The following CDH13 variants were observed in gnomAD, a reference collection of about 807,000 sequenced individuals.
CDH13 encodes the protein cadherin 13.
Under a neutral mutation model 63.8 loss-of-function variants are expected in CDH13, and 24 were observed. The ratio of observed to expected loss-of-function variants is 0.38; its 90% confidence interval spans 0.27 to 0.53. The LOEUF is 0.53. Ranked by LOEUF, CDH13 falls within the 20% of genes least tolerant of loss-of-function variation. The pLI is 0.85. For synonymous variants in CDH13, 503 were observed against 355.3 expected (o/e 1.42, Z -4.67); for missense variants, 1,049 against 903.1 (o/e 1.16, Z -2.07).
intron 2 of CDH13, among the ~76,000 whole-genome samples, chr16:82,928,138 C>T (rs1408998449): frequency 6.8e-6 from 1 of 147,256 alleles, no homozygotes; most frequent in Non-Finnish European, 1.5e-5. Context: ...TTTCTCCATT[C>T]AATAATATAA....
At chr16:83,052,506 G>C (rs1657027529) in intron 3 of CDH13, among the ~76,000 whole-genome samples, 1 of 152,128 alleles carries the variant, frequency 6.6e-6, no homozygotes, top group Non-Finnish European at 1.5e-5. Flanking sequence ...CTTGGCTGTT[G>C]TGGTGGCTCA....
chr16:82,703,786 C>T, intron 1 of CDH13, among the ~76,000 whole-genome samples: 1 of 152,108 alleles, frequency 6.6e-6, no homozygotes, highest in South Asian at 2.1e-4. Context: ...TCTTTGCCCC[C>T]TGAACAAGGG....
At chr16:82,995,867 G>A (rs1197174151) in intron 2 of CDH13, among the ~76,000 whole-genome samples, 1 of 152,108 alleles carries the variant, frequency 6.6e-6, no homozygotes, top group African/African-American at 2.4e-5. Context: ...CTGGGGAATC[G>A]ATATCGTTTA....
intron 10 of CDH13, among the ~76,000 whole-genome samples, chr16:83,699,129 A>T (rs1905831513): frequency 6.6e-6 from 1 of 152,230 alleles, no homozygotes; most frequent in Non-Finnish European, 1.5e-5. Context: ...TGTTTGCTAA[A>T]TGCATGACTT....
intron 4 of CDH13, among the ~76,000 whole-genome samples, chr16:83,152,637 C>A (rs1007418474): frequency 2.6e-5 from 4 of 152,118 alleles, no homozygotes; most frequent in South Asian, 2.1e-4. Flanking sequence ...AAAGAGGAAA[C>A]CTTAGCAATA....
chr16:83,527,054 C>T (rs1314776114), intron 7 of CDH13, among the ~76,000 whole-genome samples: 2 of 152,038 alleles, frequency 1.3e-5, no homozygotes, highest in Non-Finnish European at 2.9e-5. Context: ...TCACTTGAAC[C>T]CATGAGGCGG....
intron 10 of CDH13, among the ~76,000 whole-genome samples, chr16:83,745,017 T>A (rs3784988): frequency 0.39 from 59,615 of 152,014 alleles, 12,522 homozygotes; most frequent in Middle Eastern, 0.5. Context: ...AGTTCACATA[T>A]CTCTAGGCCT....
intron 4 of CDH13, among the ~76,000 whole-genome samples, chr16:83,184,536 A>T (rs2038454003): frequency 6.6e-6 from 1 of 152,054 alleles, no homozygotes; most frequent in Non-Finnish European, 1.5e-5. Flanking sequence ...GGGTGGATCA[A>T]CTGAGGTCAG....
chr16:83,120,082 G>T (rs767082666), intron 3 of CDH13, among the ~76,000 whole-genome samples: 1 of 151,570 alleles, frequency 6.6e-6, no homozygotes, highest in African/African-American at 2.4e-5. Flanking sequence ...CCAGAGAGTC[G>T]ACATGCACAT....
chr16:82,807,260 G>C (rs1430544301), intron 1 of CDH13, among the ~76,000 whole-genome samples: 1 of 152,100 alleles, frequency 6.6e-6, no homozygotes, highest in African/African-American at 2.4e-5. Context: ...TAATCCCTGT[G>C]AACAAACATT....
At chr16:82,880,784 C>T (rs1278749701) in intron 2 of CDH13, among the ~76,000 whole-genome samples, 1 of 152,148 alleles carries the variant, frequency 6.6e-6, no homozygotes, top group Non-Finnish European at 1.5e-5. Flanking sequence ...AAGGTCAACT[C>T]TAGTTTTATG....
At chr16:82,640,425 G>T (rs1470129425) in intron 1 of CDH13, among the ~76,000 whole-genome samples, 1 of 152,100 alleles carries the variant, frequency 6.6e-6, no homozygotes, top group Non-Finnish European at 1.5e-5. Context: ...TAAACCAGGG[G>T]TAGGTATCCT....
chr16:83,512,097 G>A (rs1003134735), intron 7 of CDH13, among the ~76,000 whole-genome samples: 5 of 151,914 alleles, frequency 3.3e-5, no homozygotes, highest in Admixed American at 1.3e-4. Context: ...CGAGGCGGGC[G>A]GATCACGAGG....
intron 2 of CDH13, chr16:82,859,322 C>T (rs2039834058): frequency 6.6e-6 from 1 of 152,298 alleles, no homozygotes; most frequent in South Asian, 2.1e-4. Flanking sequence ...CTTTGGGAGG[C>T]CGAGGAGGAT....
Position 82,968,592 on chromosome 16 carries a change from C to G in CDH13, c.158-63418C>G, listed in dbSNP as rs1443433775. ...TTAACACACTGCAGTGTAATTCCCTCCACTATCCTGAAAACATGGATTTAG... is the reference window on the plus strand; with the variant it reads ...TTAACACACTGCAGTGTAATTCCCTGCACTATCCTGAAAACATGGATTTAG... On this transcript the variant is annotated intron_variant, in intron 2 of 13. Transcript: ENST00000567109. Among the ~76,000 whole-genome samples the G allele has an allele frequency of 5.3e-5, 8 of 152,294 alleles. No homozygotes were observed. The South Asian group carries it at 8.3e-4, about 16-fold the overall frequency.
intron 7 of CDH13, among the ~76,000 whole-genome samples, chr16:83,558,230 T>A (rs1336001605): frequency 6.6e-6 from 1 of 152,176 alleles, no homozygotes; most frequent in African/African-American, 2.4e-5. Flanking sequence ...GAACCTACAT[T>A]GTTTATTGGG....
At chr16:82,649,736 G>T (rs528476815) in intron 1 of CDH13, among the ~76,000 whole-genome samples, 1 of 152,122 alleles carries the variant, frequency 6.6e-6, no homozygotes, top group Non-Finnish European at 1.5e-5. Flanking sequence ...ATGGAAAAAT[G>T]GAAAGGAAAG....
chr16:83,068,082 TG>T (rs1412013741), intron 3 of CDH13, among the ~76,000 whole-genome samples: 3 of 152,192 alleles, frequency 2.0e-5, no homozygotes, highest in African/African-American at 7.2e-5. Context: ...AAGGAGGACT[TG>T]GCAAAACAAG....
At chr16:83,370,813 T>C (rs1195295506) in intron 6 of CDH13, among the ~76,000 whole-genome samples, 2 of 152,254 alleles carry the variant, frequency 1.3e-5, no homozygotes, top group African/African-American at 2.4e-5. Flanking sequence ...TGTTCTTTTG[T>C]ATAGCTGTGT....
Sources: allele counts gnomAD v4.1 joint callset (sites outside exome capture counted in the v4.1 genomes callset), GRCh38; gene constraint gnomAD v4.1.1; transcripts MANE v1.5; gene names NCBI Gene and HGNC (gene_info 2026-07-23, HGNC 2026-07-21).